TLL2: variants seen among roughly 807,000 people sequenced by gnomAD.
TLL2 encodes tolloid-like protein 2.
Under a neutral mutation model 123.0 loss-of-function variants are expected in TLL2, and 106 were observed. The observed-to-expected ratio is 0.86, with a 90% CI of 0.74 to 1.01. The LOEUF is 1.01. Among genes scored for constraint, TLL2 ranks in the 50% least tolerant of loss-of-function variants. The probability of loss-of-function intolerance (pLI) is 0.00; values close to 1 mark genes in which losing one functional copy is unlikely to be tolerated. For missense variants in TLL2, 1,332 were observed against 1,336.7 expected, an observed-to-expected ratio of 1.00 and a Z score of 0.06; for synonymous variants, 494 against 516.8, an observed-to-expected ratio of 0.96 and a Z score of 0.60.
At chr10:96,480,593 TG>T in intron 1 of TLL2, 134 bp from the exon 2 acceptor site, 1 of 702,520 alleles carries the variant, frequency 1.4e-6, no homozygotes, top group Non-Finnish European at 2.5e-6. Context: ...AATTTCTCCT[TG>T]AGCCTAAGAG....
chr10:96,429,155 TA>T (rs923878550), intron 4 of TLL2, among the ~76,000 whole-genome samples: 26 of 150,972 alleles, frequency 1.7e-4, no homozygotes, highest in African/African-American at 6.3e-4. Context: ...TTCCAACAAT[TA>T]AAAAAAAAGA....
chr10:96,439,313 C>T (rs1484597462), intron 3 of TLL2, among the ~76,000 whole-genome samples: 1 of 150,956 alleles, frequency 6.6e-6, no homozygotes, highest in Non-Finnish European at 1.5e-5. Context: ...GTTGGCCAGG[C>T]TGGTTTTGAA....
In TLL2 at chr10:96,386,093, A is replaced by T; in HGVS notation, c.1975T>A (p.Ser659Thr). 1 of 1,609,000 alleles carries T rather than the reference A, an allele frequency of 6.2e-7. No homozygotes were observed. The highest frequency in any genetic ancestry group is 2.2e-5 in the East Asian group (1 of 44,550). Residue 659 changes from serine to threonine, a missense_variant, in exon 15 of 21, where the codon TCC (serine) becomes ACC (threonine). Physicochemically the swap from Ser to Thr is moderately conservative, Grantham distance 58. Transcript: ENST00000357947. ...AGTTCAAACACTTCAAACTGAAGGGAGATCCGGTACTGAGCGGGGGCCACC... is the reference window on the plus strand; with the variant it reads ...AGTTCAAACACTTCAAACTGAAGGGTGATCCGGTACTGAGCGGGGGCCACC... ...QVVAPAQYRI[S>T]LQFEVFELEG...
At chr10:96,373,383 C>T (rs560886409) in intron 19 of TLL2, 89 of 485,984 alleles carry the variant, frequency 1.8e-4, no homozygotes, top group South Asian at 1.7e-3. Context: ...TCAGATGATC[C>T]GCCTGCCTCG....
At chr10:96,373,559 G>A (rs1846104428) in intron 19 of TLL2, 37 bp downstream of exon 19, 1 of 1,586,638 alleles carries the variant, frequency 6.3e-7, no homozygotes, top group Non-Finnish European at 8.7e-7. Flanking sequence ...CTGTCCAAGT[G>A]CTCATCAGGT....
chr10:96,382,302 T>G (rs923003840), intron 16 of TLL2, among the ~76,000 whole-genome samples: 2 of 152,222 alleles, frequency 1.3e-5, no homozygotes, highest in Non-Finnish European at 1.5e-5. Flanking sequence ...GTGCTGGAAT[T>G]ACAGGCATGA....
At chr10:96,406,275 C>A (rs867297809) in intron 9 of TLL2, among the ~76,000 whole-genome samples, 2 of 152,128 alleles carry the variant, frequency 1.3e-5, no homozygotes, top group African/African-American at 4.8e-5. Context: ...TTCACCCCCA[C>A]GCAAGTTCCA....
chr10:96,395,067 C>A, intron 13 of TLL2, 120 bp downstream of exon 13: 1 of 1,105,078 alleles, frequency 9.0e-7, no homozygotes, highest in Non-Finnish European at 1.3e-6. Flanking sequence ...GCATCGCTGC[C>A]TTTTCTCTGC....
intron 14 of TLL2, among the ~76,000 whole-genome samples, chr10:96,386,746 C>A (rs1197414050): frequency 1.3e-5 from 2 of 152,202 alleles, no homozygotes; most frequent in African/African-American, 4.8e-5. Context: ...GTCTCTAGGG[C>A]AGAGTCTATG....
intron 18 of TLL2, among the ~76,000 whole-genome samples, chr10:96,376,349 A>AT (rs983563651): frequency 2.6e-5 from 4 of 152,200 alleles, no homozygotes; most frequent in Non-Finnish European, 4.4e-5. Flanking sequence ...GATTCATCTC[A>AT]TTTTTAATCA....
rs1847658018 is a variant in TLL2 at position 96,513,841 on chromosome 10, G to A, written c.-156C>T. 1.2e-6 allele frequency: 1 copy of A among 810,400 alleles called. No homozygotes were observed. Among genetic ancestry groups the A allele is most frequent in the South Asian group, 2.6e-5 (1 of 38,214 alleles). The allele number at this position is 810,400 out of a possible 1,614,324, so 50.2% of individuals were successfully genotyped here. ...TCAGGCGCGGAGCAAGCGGAGCGCGGCGCCCCCTGTCTTCGTCGAGGCAAC... is the reference window on the plus strand; with the variant it reads ...TCAGGCGCGGAGCAAGCGGAGCGCGACGCCCCCTGTCTTCGTCGAGGCAAC... On this transcript the variant is annotated 5_prime_UTR_variant, in exon 1 of 21. Coordinates refer to ENST00000357947, the MANE Select transcript of TLL2 (RefSeq NM_012465.4).
intron 4 of TLL2, among the ~76,000 whole-genome samples, chr10:96,430,811 G>T (rs1264362243): frequency 6.6e-6 from 1 of 152,232 alleles, no homozygotes; most frequent in African/African-American, 2.4e-5. Flanking sequence ...GAGCCTGGAA[G>T]GTTGAGGCTG....
intron 7 of TLL2, among the ~76,000 whole-genome samples, chr10:96,414,227 T>G (rs1846533267): frequency 6.6e-6 from 1 of 152,182 alleles, no homozygotes; most frequent in East Asian, 1.9e-4. Context: ...GTTAGGCCTC[T>G]CCTTGAATCA....
Position 96,396,624 on chromosome 10 carries a change from G to C in TLL2, c.1384+562C>G, listed in dbSNP as rs1188272970. Among the ~76,000 whole-genome samples, 7 of 149,372 alleles carry C rather than the reference G, an allele frequency of 4.7e-5. No homozygotes were observed. The East Asian group carries it at 1.4e-3, about 29-fold the overall frequency. On this transcript the variant is annotated intron_variant, in intron 11 of 20. Transcript: ENST00000357947. ...TTGGTAGAGGGTACGGTGGGGTGGG[G>C]AATGAGCCAGAGAAGCTCAAGACAT...
chr10:96,466,934 C>T (rs990996255), intron 2 of TLL2, among the ~76,000 whole-genome samples: 1 of 152,124 alleles, frequency 6.6e-6, no homozygotes, highest in African/African-American at 2.4e-5. Context: ...AACCGAGGTC[C>T]CCCAAGGTGA....
intron 18 of TLL2, 88 bp from the exon 19 acceptor site, chr10:96,373,897 C>T (rs1023678818): frequency 5.8e-6 from 7 of 1,200,642 alleles, no homozygotes; most frequent in Admixed American, 1.9e-5. Context: ...CAGGAAGGGG[C>T]GAGGCAGTGC....
intron 1 of TLL2, among the ~76,000 whole-genome samples, chr10:96,508,593 T>C (rs1847598214): frequency 6.6e-6 from 1 of 152,142 alleles, no homozygotes; most frequent in South Asian, 2.1e-4. Flanking sequence ...GCAGTTCCCT[T>C]AGATTTAATA....
rs1226953919 is a variant in TLL2, at chr10:96,384,602, C to T, written c.2179G>A (p.Ala727Thr). 1.9e-6 allele frequency: 3 copies of T among 1,595,838 alleles called. No individual in the cohort carries two copies. The highest frequency in any genetic ancestry group is 1.1e-5 in the South Asian group (1 of 88,896). Residue 727 changes from alanine to threonine, a missense_variant, in exon 16 of 21, where the codon GCC becomes ACC. Physicochemically the swap from Ala to Thr is moderately conservative, Grantham distance 58. Coordinates refer to ENST00000357947, the MANE Select transcript of TLL2 (RefSeq NM_012465.4). Reference protein sequence around the residue: ...DNTVSKRGFRAHFFSDKDECA... With the variant: ...DNTVSKRGFRTHFFSDKDECA... ...ACCCGCATACCTGAGAAGAAGTGGGCCCTGAAGCCGCGCTTGGAGACGGTG... is the reference window on the plus strand; with the variant it reads ...ACCCGCATACCTGAGAAGAAGTGGGTCCTGAAGCCGCGCTTGGAGACGGTG...
At chr10:96,460,083 T>C (rs1564911683) in intron 2 of TLL2, among the ~76,000 whole-genome samples, 2 of 152,166 alleles carry the variant, frequency 1.3e-5, no homozygotes, top group African/African-American at 4.8e-5. Context: ...AAAGTTTGTA[T>C]AAAATTTCAA....
Sources: gnomAD v4.1 joint callset for allele counts (sites outside exome capture counted in the v4.1 genomes callset) on GRCh38, gnomAD v4.1.1 for gene constraint, MANE v1.5 for transcripts, NCBI Gene and HGNC (gene_info 2026-07-23, HGNC 2026-07-21) for gene names.